Variants in BIRC6 observed in about 807,000 individuals in gnomAD.
BIRC6 encodes dual E2 ubiquitin-conjugating enzyme/E3 ubiquitin-protein ligase BIRC6.
In BIRC6, 98 loss-of-function variants were observed where a neutral mutation model predicts 503.3. The ratio of observed to expected loss-of-function variants is 0.19; its 90% CI spans 0.17 to 0.23. The LOEUF (loss-of-function observed/expected upper bound fraction) is 0.23, where lower values mean the gene tolerates loss of function less well. BIRC6 is among the 10% of genes least tolerant of loss of function. BIRC6 has a pLI of 1.00. For missense variants in BIRC6, 5,360 were observed against 5,806.0 expected, an observed-to-expected ratio of 0.92 and a Z score of 2.50; for synonymous variants, 2,240 against 2,078.7, an observed-to-expected ratio of 1.08 and a Z score of -2.11.
At chr2:32,482,359 A>C in intron 38 of BIRC6, 70 bp from the exon 39 acceptor site, 1 of 1,477,082 alleles carries the variant, frequency 6.8e-7, no homozygotes, top group Admixed American at 1.9e-5. Context: ...TTGGGTTTAG[A>C]TAATGTAAAT....
chr2:32,456,330 A>G (rs1003380144), intron 23 of BIRC6, among the ~76,000 whole-genome samples: 2 of 152,210 alleles, frequency 1.3e-5, no homozygotes, highest in African/African-American at 2.4e-5. Flanking sequence ...AATCTATATC[A>G]TTGCATATAG....
At chr2:32,505,355 T>C (rs1288572521) in intron 50 of BIRC6, 150 bp downstream of exon 50, 5 of 631,856 alleles carry the variant, frequency 7.9e-6, no homozygotes, top group Non-Finnish European at 1.1e-5. Context: ...TAATTAATAC[T>C]ACCAAGTCAT....
chr2:32,415,546 G>A lies in BIRC6; in HGVS notation c.2255G>A (p.Cys752Tyr), dbSNP rs935104729. 6.2e-7 allele frequency: 1 copy of A among 1,614,004 alleles called. No individual in the cohort carries two copies. Among genetic ancestry groups the A allele is most frequent in the South Asian group, 1.1e-5 (1 of 91,086 alleles). ...CATTTGTTGGTAGGACTGCGGACAT[G>A]CCCTGTTGAATCCTTGAGTGCAATA... The part of the protein sequence containing the change: ...GIHLLVGLRT[C>Y]PVESLSAINQ... Residue 752 changes from cysteine to tyrosine, a missense_variant, in exon 10 of 74, where the codon TGC becomes TAC. Physicochemically the swap from Cys to Tyr is radical, Grantham distance 194. Transcript: ENST00000421745.
At chr2:32,581,466 T>C (rs1013921000) in intron 66 of BIRC6, among the ~76,000 whole-genome samples, 1 of 152,212 alleles carries the variant, frequency 6.6e-6, no homozygotes, top group Non-Finnish European at 1.5e-5. Context: ...TGCTACTGTT[T>C]ACTTAAATTT....
intron 59 of BIRC6, 104 bp from the exon 60 acceptor site, chr2:32,529,547 C>A: frequency 9.2e-7 from 1 of 1,092,780 alleles, no homozygotes; most frequent in Non-Finnish European, 1.3e-6. Context: ...AAATTGGTTT[C>A]AGAATCAAAC....
chr2:32,453,224 A>C (rs76740580), intron 22 of BIRC6, among the ~76,000 whole-genome samples: 2,051 of 152,270 alleles, frequency 0.013, 33 homozygotes, highest in Non-Finnish European at 0.02. Flanking sequence ...TTTTTCTTTT[A>C]AAAACTACTT....
chr2:32,495,610 A>C (rs898233809), intron 45 of BIRC6, among the ~76,000 whole-genome samples: 1 of 152,140 alleles, frequency 6.6e-6, no homozygotes, highest in Non-Finnish European at 1.5e-5. Flanking sequence ...GAAGTTTTAA[A>C]ATTCTAGATG....
At chr2:32,450,367 C>T (rs1281915711) in intron 22 of BIRC6, among the ~76,000 whole-genome samples, 4 of 151,888 alleles carry the variant, frequency 2.6e-5, no homozygotes, top group Admixed American at 2.6e-4. Context: ...TAGGCTGAGG[C>T]AGGAGAATGG....
chr2:32,566,928 A>T (rs184977989), intron 65 of BIRC6, among the ~76,000 whole-genome samples: 1 of 152,280 alleles, frequency 6.6e-6, no homozygotes, highest in African/African-American at 2.4e-5. Context: ...TTCCAAATAG[A>T]GAATCAGTTT....
chr2:32,475,708 T>G (rs980553282), intron 33 of BIRC6, among the ~76,000 whole-genome samples: 2 of 152,140 alleles, frequency 1.3e-5, no homozygotes, highest in African/African-American at 4.8e-5. Flanking sequence ...ACAAGAGATT[T>G]CTGTATTATT....
intron 8 of BIRC6, among the ~76,000 whole-genome samples, chr2:32,405,245 A>C (rs1573978269): frequency 6.6e-6 from 1 of 151,836 alleles, no homozygotes; most frequent in Admixed American, 6.6e-5. Flanking sequence ...TTTTACACTT[A>C]CTCTGTTTCT....
At chr2:32,445,454 C>G in intron 20 of BIRC6, 67 bp from the exon 21 acceptor site, 1 of 1,381,480 alleles carries the variant, frequency 7.2e-7, no homozygotes, top group South Asian at 1.6e-5. Flanking sequence ...AATAGGTAAT[C>G]TTAAATTCTC....
intron 1 of BIRC6, among the ~76,000 whole-genome samples, chr2:32,366,713 G>A (rs548375216): frequency 6.6e-6 from 1 of 152,144 alleles, no homozygotes; most frequent in Non-Finnish European, 1.5e-5. Flanking sequence ...CTTTAAAATG[G>A]GCTAATGGCC....
chr2:32,439,651 C>G lies in BIRC6; in HGVS notation c.3775C>G (p.Leu1259Val). ...ACACCAGAGTAACAAGGGTTATTCA[C>G]TTGCTTCACTTTTGGCTAAAGTTGC... ...LKHQSNKGYS[L>V]ASLLAKVAAG... The change falls in exon 16 of 74, where the codon CTT becomes GTT. Residue 1259 changes from leucine (L) to valine (V), a missense_variant. This residue lies in a region of BIRC6 where 2,299 missense variants were observed against 2,267.2 expected (regional missense o/e 1.01). Transcript: ENST00000421745. 1 of 1,613,800 alleles carries G rather than the reference C, an allele frequency of 6.2e-7. No homozygotes were observed. The highest frequency in any genetic ancestry group is 8.5e-7 in the Non-Finnish European group (1 of 1,179,822).
chr2:32,397,429 A>G (rs2040024403), intron 6 of BIRC6, among the ~76,000 whole-genome samples: 1 of 151,520 alleles, frequency 6.6e-6, no homozygotes, highest in Non-Finnish European at 1.5e-5. Flanking sequence ...CCGAGATTGT[A>G]CCATTGCACT....
intron 15 of BIRC6, among the ~76,000 whole-genome samples, chr2:32,438,558 CTTTTTTTT>C (rs1242771915): frequency 7.9e-6 from 1 of 126,976 alleles, no homozygotes; most frequent in Non-Finnish European, 1.7e-5. Flanking sequence ...TTTGAGTGTT[CTTTTTTTT>C]TTTTTTTTTT....
At chr2:32,400,846 A>C (rs555446691) in intron 6 of BIRC6, among the ~76,000 whole-genome samples, 2 of 152,312 alleles carry the variant, frequency 1.3e-5, no homozygotes, top group Admixed American at 6.5e-5. Flanking sequence ...AAATAACAGG[A>C]GTTTAAACAA....
intron 21 of BIRC6, among the ~76,000 whole-genome samples, chr2:32,446,874 G>A (rs910831481): frequency 1.6e-5 from 2 of 123,184 alleles, no homozygotes; most frequent in Non-Finnish European, 3.3e-5. Context: ...AAGGTCTCTG[G>A]TTTTCCTAGG....
intron 68 of BIRC6, 87 bp from the exon 69 acceptor site, chr2:32,597,664 T>A (rs932202851): frequency 2.1e-6 from 2 of 939,534 alleles, no homozygotes; most frequent in Non-Finnish European, 1.6e-6. Context: ...TCCAGTTGAG[T>A]GGGAGAAGGA....
Sources: gnomAD v4.1 joint callset for allele counts (sites outside exome capture counted in the v4.1 genomes callset) on GRCh38, gnomAD v4.1.1 for gene constraint, gnomAD v4.1.1 regional missense constraint, MANE v1.5 for transcripts, NCBI Gene and HGNC (gene_info 2026-07-23, HGNC 2026-07-21) for gene names.